Variants in RFX3 observed in about 807,000 individuals in gnomAD.
RFX3 encodes the protein regulatory factor X3.
A neutral mutation model predicts 98.6 loss-of-function variants in RFX3; 14 were observed. The observed-to-expected ratio is 0.14, with a 90% confidence interval of 0.09 to 0.22. The LOEUF is 0.22. RFX3 is among the 10% of genes least tolerant of loss of function. The pLI is 1.00. For synonymous variants in RFX3, 383 were observed against 328.4 expected, an observed-to-expected ratio of 1.17 and a Z score of -1.80; for missense variants, 639 against 926.9, an observed-to-expected ratio of 0.69 and a Z score of 4.03.
chr9:3,321,744 A>C (rs1037670668), intron 4 of RFX3, among the ~76,000 whole-genome samples: 1 of 152,086 alleles, frequency 6.6e-6, no homozygotes, highest in African/African-American at 2.4e-5. Context: ...TCTGGATTTT[A>C]TATTATGCTT....
chr9:3,332,211 T>C (rs921173593), intron 3 of RFX3, among the ~76,000 whole-genome samples: 9 of 152,134 alleles, frequency 5.9e-5, no homozygotes, highest in Non-Finnish European at 1.3e-4. Flanking sequence ...ACCACAAGTG[T>C]TTTGGATTTT....
intron 7 of RFX3, among the ~76,000 whole-genome samples, chr9:3,286,969 C>T (rs184887180): frequency 6.1e-4 from 92 of 151,936 alleles, no homozygotes; most frequent in African/African-American, 2.1e-3. Flanking sequence ...CAGATATTGC[C>T]GAAAACTCCT....
intron 2 of RFX3, among the ~76,000 whole-genome samples, chr9:3,355,106 A>G (rs1363193606): frequency 1.3e-5 from 2 of 151,906 alleles, no homozygotes; most frequent in East Asian, 1.9e-4. Flanking sequence ...TAATGAAGAT[A>G]GAGTGTCATA....
chr9:3,451,913 T>C (rs1224280383), intron 1 of RFX3, among the ~76,000 whole-genome samples: 1 of 152,046 alleles, frequency 6.6e-6, no homozygotes. Flanking sequence ...AAACCCTTAG[T>C]CAATTTTGGA....
In RFX3 at chr9:3,266,250, G is replaced by C. The variant is rs776833145; in HGVS notation, c.1413C>G (p.Ser471=). 1 of 1,610,982 alleles carries C rather than the reference G, an allele frequency of 6.2e-7. No homozygotes were observed. Among genetic ancestry groups the C allele is most frequent in the Non-Finnish European group, 8.5e-7 (1 of 1,178,010 alleles). The part of the protein sequence containing the change: ...NFAKSLEGWL[S]NAMNNIPQRM... ...TCTGTGGAATATTGTTCATGGCATTGGAAAGCCAACCTTCAAGGCTTTTTG... is the reference window on the plus strand; with the variant it reads ...TCTGTGGAATATTGTTCATGGCATTCGAAAGCCAACCTTCAAGGCTTTTTG... The change falls in exon 12 of 17, where the codon TCC becomes TCG. Residue 471 remains serine (S), a synonymous_variant. Coordinates refer to ENST00000617270, the MANE Select transcript of RFX3 (RefSeq NM_001282116.2).
At chr9:3,312,767 C>G (rs1361900027) in intron 4 of RFX3, among the ~76,000 whole-genome samples, 3 of 152,180 alleles carry the variant, frequency 2.0e-5, no homozygotes, top group African/African-American at 7.2e-5. Flanking sequence ...TCGCTCACTG[C>G]TAGCACACCA....
At chr9:3,434,965 T>C (rs1844984535) in intron 1 of RFX3, among the ~76,000 whole-genome samples, 1 of 151,966 alleles carries the variant, frequency 6.6e-6, no homozygotes, top group Admixed American at 6.6e-5. Flanking sequence ...CTGAATATTA[T>C]AGGCAATTGA....
chr9:3,409,299 C>T (rs891215673), intron 1 of RFX3, among the ~76,000 whole-genome samples: 3 of 152,188 alleles, frequency 2.0e-5, no homozygotes, highest in Non-Finnish European at 4.4e-5. Flanking sequence ...TCCCTTAATT[C>T]ACACACTTGT....
At chr9:3,261,890 C>T (rs1822946531) in intron 13 of RFX3, among the ~76,000 whole-genome samples, 1 of 152,076 alleles carries the variant, frequency 6.6e-6, no homozygotes, top group South Asian at 2.1e-4. Context: ...TTGTATTTCC[C>T]TGGTGGCTAA....
intron 15 of RFX3, among the ~76,000 whole-genome samples, chr9:3,235,208 G>C (rs940769627): frequency 1.3e-5 from 2 of 152,234 alleles, no homozygotes; most frequent in Non-Finnish European, 2.9e-5. Flanking sequence ...GCTCCAATTT[G>C]GGTGGCAGGT....
chr9:3,505,220 A>ACATT (rs1477611763), intron 1 of RFX3, among the ~76,000 whole-genome samples: 3 of 79,214 alleles, frequency 3.8e-5, no homozygotes, highest in African/African-American at 1.2e-4. Context: ...ATGAATATAT[A>ACATT]TTTATATATG....
chr9:3,322,100 T>C (rs566207016), intron 4 of RFX3, among the ~76,000 whole-genome samples: 1 of 152,130 alleles, frequency 6.6e-6, no homozygotes, highest in Non-Finnish European at 1.5e-5. Flanking sequence ...TTTACAAAAT[T>C]TTCTATAAAT....
At chr9:3,323,248 G>A (rs971858310) in intron 4 of RFX3, among the ~76,000 whole-genome samples, 7 of 152,126 alleles carry the variant, frequency 4.6e-5, no homozygotes, top group African/African-American at 1.7e-4. Context: ...CTGACAATTG[G>A]TCATAGGCAC....
At chr9:3,387,106 A>G (rs1013514039) in intron 2 of RFX3, among the ~76,000 whole-genome samples, 1 of 152,002 alleles carries the variant, frequency 6.6e-6, no homozygotes, top group Non-Finnish European at 1.5e-5. Context: ...GTGAATTCCA[A>G]CTTTTCCTTC....
At chr9:3,521,510 C>A (rs1236622692) in intron 1 of RFX3, among the ~76,000 whole-genome samples, 1 of 152,130 alleles carries the variant, frequency 6.6e-6, no homozygotes, top group Non-Finnish European at 1.5e-5. Context: ...CAGCACAGCA[C>A]CCTCTGGTGC....
At chr9:3,257,540 C>T (rs1231499816) in intron 13 of RFX3, among the ~76,000 whole-genome samples, 1 of 152,170 alleles carries the variant, frequency 6.6e-6, no homozygotes, top group Non-Finnish European at 1.5e-5. Flanking sequence ...CAGGGTCTTT[C>T]ATCCTATTCA....
intron 6 of RFX3, among the ~76,000 whole-genome samples, chr9:3,292,182 A>G (rs1827479973): frequency 6.9e-6 from 1 of 144,530 alleles, no homozygotes; most frequent in African/African-American, 2.6e-5. Context: ...CAGTATCTCT[A>G]TTTTAACTTT....
At chr9:3,355,702 G>A (rs183999789) in intron 2 of RFX3, among the ~76,000 whole-genome samples, 12 of 151,896 alleles carry the variant, frequency 7.9e-5, no homozygotes, top group Admixed American at 2.0e-4. Context: ...TGACTTTCAC[G>A]TCATAATCTA....
At chr9:3,441,798 T>G (rs533150576) in intron 1 of RFX3, among the ~76,000 whole-genome samples, 4 of 152,164 alleles carry the variant, frequency 2.6e-5, no homozygotes, top group Non-Finnish European at 5.9e-5. Flanking sequence ...CTCTAGGAGA[T>G]AGGACATAAA....
Sources: allele counts gnomAD v4.1 joint callset (sites outside exome capture counted in the v4.1 genomes callset), GRCh38; gene constraint gnomAD v4.1.1; transcripts MANE v1.5; gene names NCBI Gene and HGNC (gene_info 2026-07-23, HGNC 2026-07-21).